ADAMTS6: variants seen among roughly 807,000 people sequenced by gnomAD.
The protein encoded by ADAMTS6 is ADAM metallopeptidase with thrombospondin type 1 motif 6.
In ADAMTS6, 23 loss-of-function variants were observed where a neutral mutation model predicts 144.3. The ratio of observed to expected loss-of-function variants is 0.16; its 90% CI spans 0.11 to 0.23. ADAMTS6 has a LOEUF of 0.23. Among genes scored for constraint, ADAMTS6 ranks in the 10% least tolerant of loss-of-function variants. ADAMTS6 has a pLI of 1.00. For missense variants in ADAMTS6, 999 were observed against 1,379.6 expected, an observed-to-expected ratio of 0.72 and a Z score of 4.37; for synonymous variants, 444 against 457.5, an observed-to-expected ratio of 0.97 and a Z score of 0.38.
chr5:65,246,513 T>C (rs190466136), intron 14 of ADAMTS6, among the ~76,000 whole-genome samples: 1 of 152,132 alleles, frequency 6.6e-6, no homozygotes, highest in African/African-American at 2.4e-5. Flanking sequence ...GATAAGGAGA[T>C]TGACAGTGAG....
chr5:65,373,646 C>A (rs1751205888), intron 7 of ADAMTS6, among the ~76,000 whole-genome samples: 1 of 152,054 alleles, frequency 6.6e-6, no homozygotes, highest in African/African-American at 2.4e-5. Context: ...AGTCCAGGAC[C>A]AGATGGATTC....
intron 11 of ADAMTS6, among the ~76,000 whole-genome samples, chr5:65,281,423 T>C (rs1762980323): frequency 6.6e-6 from 1 of 152,172 alleles, no homozygotes; most frequent in Non-Finnish European, 1.5e-5. Flanking sequence ...ATAACTATTA[T>C]ATACTAATTT....
intron 18 of ADAMTS6, among the ~76,000 whole-genome samples, chr5:65,220,483 G>A (rs759547971): frequency 2.0e-5 from 3 of 152,040 alleles, no homozygotes; most frequent in Non-Finnish European, 2.9e-5. Flanking sequence ...AGTGGCTCAC[G>A]CCTGTAATCC....
At chr5:65,381,662 AAG>A in intron 7 of ADAMTS6, among the ~76,000 whole-genome samples, 1 of 151,448 alleles carries the variant, frequency 6.6e-6, no homozygotes, top group African/African-American at 2.4e-5. Context: ...CGGGGATTAC[AAG>A]TGTGAGCCAC....
intron 14 of ADAMTS6, chr5:65,251,469 T>C (rs1760150574): frequency 6.6e-6 from 1 of 152,268 alleles, no homozygotes; most frequent in African/African-American, 2.4e-5. Flanking sequence ...AGTTCTCCTA[T>C]ATATCTTTAA....
chr5:65,292,623 A>G (rs564332777), intron 10 of ADAMTS6, among the ~76,000 whole-genome samples: 13 of 152,256 alleles, frequency 8.5e-5, no homozygotes, highest in South Asian at 8.3e-4. Flanking sequence ...GCAAATTAAT[A>G]CCTTTTAAAA....
At chr5:65,220,596 A>T (rs1757251983) in intron 18 of ADAMTS6, among the ~76,000 whole-genome samples, 1 of 152,158 alleles carries the variant, frequency 6.6e-6, no homozygotes, top group Admixed American at 6.5e-5. Flanking sequence ...ATTACAAAAA[A>T]ATTAGCCGGG....
chr5:65,333,386 G>C (rs1746965968), intron 8 of ADAMTS6, among the ~76,000 whole-genome samples: 1 of 151,112 alleles, frequency 6.6e-6, no homozygotes, highest in Non-Finnish European at 1.5e-5. Flanking sequence ...CTACAAAAAT[G>C]CTTTTAAAAA....
At chr5:65,208,482 G>A (rs936584125) in intron 20 of ADAMTS6, among the ~76,000 whole-genome samples, 13 of 152,012 alleles carry the variant, frequency 8.6e-5, no homozygotes, top group Admixed American at 6.6e-4. Flanking sequence ...TTTATGGGTG[G>A]GGATATATCA....
intron 18 of ADAMTS6, among the ~76,000 whole-genome samples, chr5:65,224,030 G>A (rs1757530940): frequency 6.6e-6 from 1 of 152,074 alleles, no homozygotes; most frequent in South Asian, 2.1e-4. Context: ...TCGATCTCCT[G>A]ACCTTGTGAT....
chr5:65,179,801 CAT>C (rs1438577119), intron 22 of ADAMTS6, among the ~76,000 whole-genome samples: 1 of 152,144 alleles, frequency 6.6e-6, no homozygotes, highest in African/African-American at 2.4e-5. Flanking sequence ...ATGTAGAACA[CAT>C]AAATTATCGT....
At chr5:65,350,428 C>T (rs945679153) in intron 7 of ADAMTS6, among the ~76,000 whole-genome samples, 3 of 152,022 alleles carry the variant, frequency 2.0e-5, no homozygotes, top group African/African-American at 7.2e-5. Flanking sequence ...GGTCCTCTTC[C>T]GAACTTTCTC....
intron 21 of ADAMTS6, among the ~76,000 whole-genome samples, chr5:65,194,245 T>C (rs930811768): frequency 2.0e-5 from 3 of 152,220 alleles, no homozygotes; most frequent in South Asian, 4.1e-4. Flanking sequence ...AAGAAAGCAA[T>C]ACACATTTAG....
chr5:65,453,273 T>C (rs1758897424), intron 4 of ADAMTS6, among the ~76,000 whole-genome samples: 1 of 152,170 alleles, frequency 6.6e-6, no homozygotes, highest in Non-Finnish European at 1.5e-5. Flanking sequence ...TTAAAAAGCA[T>C]CTAGAGTATG....
At chr5:65,324,576 C>A (rs1000666417) in intron 9 of ADAMTS6, among the ~76,000 whole-genome samples, 1 of 151,328 alleles carries the variant, frequency 6.6e-6, no homozygotes, top group African/African-American at 2.4e-5. Flanking sequence ...ATATATGCTA[C>A]ATGTTATATA....
chr5:65,303,169 C>A (rs1743604232), intron 9 of ADAMTS6, among the ~76,000 whole-genome samples: 1 of 152,042 alleles, frequency 6.6e-6, no homozygotes, highest in East Asian at 1.9e-4. Flanking sequence ...ATCAAATAAC[C>A]AGCTGATCAA....
At chr5:65,189,382 T>A (rs1043165445) in intron 21 of ADAMTS6, among the ~76,000 whole-genome samples, 2 of 152,174 alleles carry the variant, frequency 1.3e-5, no homozygotes, top group African/African-American at 4.8e-5. Flanking sequence ...CCCTTTCCTT[T>A]CTGGTCACAA....
At chr5:65,376,113 G>C (rs1182515935) in intron 7 of ADAMTS6, among the ~76,000 whole-genome samples, 1 of 151,988 alleles carries the variant, frequency 6.6e-6, no homozygotes, top group Non-Finnish European at 1.5e-5. Flanking sequence ...GCCTGTTGTG[G>C]GGTGGGGGCA....
Position 65,214,786 on chromosome 5 carries a change from C to T in ADAMTS6, c.2575+8G>A. The T allele has an allele frequency of 6.2e-7, 1 of 1,614,046 alleles. No individual in the cohort carries two copies. The highest frequency in any genetic ancestry group is 8.5e-7 in the Non-Finnish European group (1 of 1,179,984). On this transcript the variant is annotated splice_region_variant and intron_variant, in intron 20 of 24. Transcript: ENST00000381055. This position sits in a 1 kb window ranked among gnomAD's most constrained non-coding sequence, Gnocchi z 4.6. The stretch of plus-strand genomic sequence containing the variant: ...CCCTCTGGGTGGGCTGCCTAGTGGG[C>T]ATCTTACCTCCAGCACAAGTAGCTG...
Sources: allele counts gnomAD v4.1 joint callset (sites outside exome capture counted in the v4.1 genomes callset), GRCh38; gene constraint gnomAD v4.1.1; non-coding constraint Gnocchi (gnomAD v3.1); transcripts MANE v1.5; gene names NCBI Gene and HGNC (gene_info 2026-07-23, HGNC 2026-07-21).